GATA2: variants seen among roughly 807,000 people sequenced by gnomAD.
GATA2 encodes the protein GATA binding protein 2.
Under a neutral mutation model 35.7 loss-of-function variants are expected in GATA2, and 6 were observed. The observed-to-expected ratio is 0.17, with a 90% CI of 0.09 to 0.33. The LOEUF (loss-of-function observed/expected upper bound fraction) is 0.33, where lower values mean the gene tolerates loss of function less well. GATA2 is among the 10% of genes least tolerant of loss of function. The probability of loss-of-function intolerance (pLI) is 1.00; values close to 1 mark genes in which losing one functional copy is unlikely to be tolerated. For missense variants in GATA2, 541 were observed against 656.6 expected (o/e 0.82, Z 1.92); for synonymous variants, 313 against 274.9 (o/e 1.14, Z -1.37).
Position 128,480,660 on chromosome 3 carries a change from C to G in GATA2, c.*359G>C, listed in dbSNP as rs928119691. 1 of 315,476 alleles carries G rather than the reference C, an allele frequency of 3.2e-6. No homozygotes were observed. The highest frequency in any genetic ancestry group is 5.9e-6 in the Non-Finnish European group (1 of 170,808). The allele number at this position is 315,476 out of a possible 1,614,324, so 19.5% of individuals were successfully genotyped here. On this transcript the variant is annotated 3_prime_UTR_variant, in exon 6 of 6. Coordinates refer to ENST00000341105, the MANE Select transcript of GATA2 (RefSeq NM_032638.5). ...GCTCAGACCACCAAGTCTCCAAGTC[C>G]TTGTTAGAAACAAGAGCAAAATAAA...
Position 128,486,921 on chromosome 3 carries a change from C to A in GATA2, c.111G>T (p.Ala37=), listed in dbSNP as rs1314011259. ...CCACCTCGTCTGGAGGCAGCAGCTG[C>A]GCGGGTTCCATGTAGTTGTGCGCCA... is the stretch of plus-strand genomic sequence containing the variant. The part of the protein sequence containing the change: ...PGLAHNYMEP[A]QLLPPDEVDV... Residue 37 remains alanine (A), a synonymous_variant, in exon 2 of 6, where the codon GCG becomes GCT. Coordinates refer to ENST00000341105, the MANE Select transcript of GATA2 (RefSeq NM_032638.5). 6.2e-7 allele frequency: 1 copy of A among 1,612,944 alleles called. No homozygotes were observed. Among genetic ancestry groups the A allele is most frequent in the Non-Finnish European group, 8.5e-7 (1 of 1,179,594 alleles).
chr3:128,481,291 C>T lies in GATA2; in HGVS notation c.1171G>A (p.Glu391Lys), dbSNP rs2068625402. The change falls in exon 6 of 6, where the codon GAA becomes AAA. Residue 391 changes from glutamate (E) to lysine (K), a missense_variant. This residue lies in a region of GATA2 where 23 missense variants were observed against 67.2 expected (regional missense o/e 0.34). Transcript: ENST00000341105. ...TTCCGGTTCCGAGTCTGGATCCCTT[C>T]CTTCTTCATGGTCAGTGGCCTGTTA... ...NVNRPLTMKKEGIQTRNRKMS... is the reference protein window; with the variant it reads ...NVNRPLTMKKKGIQTRNRKMS... 1 of 1,613,858 alleles carries T rather than the reference C, an allele frequency of 6.2e-7. No homozygotes were observed. Among genetic ancestry groups the T allele is most frequent in the Non-Finnish European group, 8.5e-7 (1 of 1,180,044 alleles).
intron 3 of GATA2, among the ~76,000 whole-genome samples, chr3:128,484,711 A>G (rs2068673022): frequency 1.3e-5 from 2 of 152,050 alleles, no homozygotes; most frequent in Non-Finnish European, 2.9e-5. Flanking sequence ...CAAACAGGAG[A>G]AAGGACCAAG....
At chr3:128,482,658 A>T (rs1576745914) in intron 4 of GATA2, among the ~76,000 whole-genome samples, 1 of 141,626 alleles carries the variant, frequency 7.1e-6, no homozygotes, top group African/African-American at 2.7e-5. Context: ...CCAGCCCCCC[A>T]TACCCCAACC....
rs2068637821 is a variant in GATA2 at position 128,482,049 on chromosome 3, G to A, written c.1018-105C>T. The A allele has an allele frequency of 2.1e-6, 3 of 1,431,276 alleles. No homozygotes were observed. In the Admixed American group the frequency reaches 5.9e-5, roughly 28 times the overall value. 88.7% of individuals were successfully genotyped at this position (1,431,276 alleles called of 1,614,324 possible). Reference sequence around the variant, plus strand: ...AGTCCCCACCAGCTCAGTCAAGGAGGGCTAAATCTCACATGGGAATCAAAG... The same window carrying A: ...AGTCCCCACCAGCTCAGTCAAGGAGAGCTAAATCTCACATGGGAATCAAAG... On this transcript the variant is annotated intron_variant, in intron 4 of 5. Coordinates refer to ENST00000341105, the MANE Select transcript of GATA2 (RefSeq NM_032638.5).
intron 1 of GATA2, chr3:128,489,482 G>A (rs2068747157): frequency 6.5e-6 from 1 of 152,676 alleles, no homozygotes; most frequent in Admixed American, 6.5e-5. Flanking sequence ...CGTGCCCTTG[G>A]GGGACCCGCC....
Position 128,486,168 on chromosome 3 carries a change from C to A in GATA2, c.430G>T (p.Ala144Ser), listed in dbSNP as rs771741053. ...PGGPLSVYPG[A>S]GGGSGGGSGS... Reference sequence around the variant, plus strand: ...CTGCCTCCCCCGCTCCCACCCCCAGCCCCTGGGTACACAGAGAGTGGGCCT... The same window carrying A: ...CTGCCTCCCCCGCTCCCACCCCCAGACCCTGGGTACACAGAGAGTGGGCCT... The change falls in exon 3 of 6, where the codon GCT becomes TCT. Residue 144 changes from alanine (A) to serine (S), a missense_variant. Around this residue, in one of 5 missense-constraint regions of GATA2, gnomAD observed 389 missense variants for 396.9 expected, o/e 0.98. Coordinates refer to ENST00000341105, the MANE Select transcript of GATA2 (RefSeq NM_032638.5). The A allele has an allele frequency of 5.1e-6, 8 of 1,568,598 alleles. No homozygotes were observed. Among genetic ancestry groups the A allele is most frequent in the Non-Finnish European group, 5.2e-6 (6 of 1,157,056 alleles).
Position 128,480,103 on chromosome 3 carries a change from C to G in GATA2, c.*916G>C, listed in dbSNP as rs1479508261. The stretch of plus-strand genomic sequence containing the variant: ...CTGTGGCTACGTACAATCAACTGGA[C>G]CCAAAAAGAGTTTAAAAATAAAACA... On this transcript the variant is annotated 3_prime_UTR_variant, in exon 6 of 6. Coordinates refer to ENST00000341105, the MANE Select transcript of GATA2 (RefSeq NM_032638.5). The G allele has an allele frequency of 4.3e-6, 1 of 233,072 alleles. No individual in the cohort carries two copies. The highest frequency in any genetic ancestry group is 2.2e-5 in the African/African-American group (1 of 45,314). 14.4% of individuals were successfully genotyped at this position (233,072 alleles called of 1,614,324 possible). A position where few individuals can be genotyped will look rare whatever the true frequency, so the allele number is the denominator to read the frequency against.
rs186902232 is a variant in GATA2, at chr3:128,480,028, G to A, written c.*991C>T. ...TCCCAGCTCTTTTCCAAAAAGAATT[G>A]CAAAGCTCCAACCTTGTGTGTAGGT... On this transcript the variant is annotated 3_prime_UTR_variant, in exon 6 of 6. Coordinates refer to ENST00000341105, the MANE Select transcript of GATA2 (RefSeq NM_032638.5). The A allele has an allele frequency of 4.3e-5, 10 of 233,042 alleles. No homozygotes were observed. The highest frequency in any genetic ancestry group is 2.0e-4 in the African/African-American group (9 of 45,444). 14.4% of individuals were successfully genotyped at this position (233,042 alleles called of 1,614,324 possible).
chr3:128,492,292 G>A (rs766747984), intron 1 of GATA2: 4 of 152,258 alleles, frequency 2.6e-5, no homozygotes, highest in Non-Finnish European at 4.4e-5. Context: ...ACGCCTACCG[G>A]CGGCAGATCT....
intron 1 of GATA2, chr3:128,491,857 C>T (rs1488289674): frequency 6.6e-6 from 1 of 152,284 alleles, no homozygotes; most frequent in African/African-American, 2.4e-5. Context: ...TCTCCCTCCT[C>T]CACGAACAGC....
intron 2 of GATA2, among the ~76,000 whole-genome samples, 170 bp from the exon 3 acceptor site, chr3:128,486,538 C>T (rs1174630607): frequency 6.6e-6 from 1 of 152,018 alleles, no homozygotes; most frequent in Non-Finnish European, 1.5e-5. Flanking sequence ...GAATGTCAGT[C>T]CAAGCTGAAG....
rs1026996375 is a variant in GATA2, at chr3:128,479,483, T to C, written c.*1536A>G. The C allele has an allele frequency of 4.3e-6, 1 of 232,770 alleles. No individual in the cohort carries two copies. Among genetic ancestry groups the C allele is most frequent in the Non-Finnish European group, 8.5e-6 (1 of 117,574 alleles). The allele number at this position is 232,770 out of a possible 1,614,324, so 14.4% of individuals were successfully genotyped here. A position where few individuals can be genotyped will look rare whatever the true frequency, so the allele number is the denominator to read the frequency against. On this transcript the variant is annotated 3_prime_UTR_variant, in exon 6 of 6. Coordinates refer to ENST00000341105, the MANE Select transcript of GATA2 (RefSeq NM_032638.5). ...TACTCACTTTAAAGGAATAAGAGGA[T>C]AGCATACATTTTTTACAGACAATAT...
chr3:128,487,125 C>T (rs999563675), intron 1 of GATA2, 49 bp from the exon 2 acceptor site: 1 of 1,065,088 alleles, frequency 9.4e-7, no homozygotes, highest in Non-Finnish European at 1.3e-6. Flanking sequence ...CTGACACCCC[C>T]CAAAGTCCCA....
At chr3:128,484,642 T>C (rs2068672125) in intron 3 of GATA2, among the ~76,000 whole-genome samples, 2 of 137,190 alleles carry the variant, frequency 1.5e-5, no homozygotes, top group African/African-American at 5.6e-5. Flanking sequence ...CTGGGTTTTT[T>C]TTGTTTGTAT....
intron 1 of GATA2, chr3:128,489,262 G>T (rs939551789): frequency 6.6e-6 from 1 of 152,192 alleles, no homozygotes; most frequent in Non-Finnish European, 1.5e-5. Flanking sequence ...CCTCGGCTCC[G>T]GGGGCGCCCG....
Position 128,487,065 on chromosome 3 carries a change from A to G in GATA2, c.-34T>C, listed in dbSNP as rs756452750. 19 of 1,516,204 alleles carry G rather than the reference A, an allele frequency of 1.3e-5. No individual in the cohort carries two copies. The African/African-American group carries it at 2.6e-4, about 21-fold the overall frequency. 93.9% of individuals were successfully genotyped at this position (1,516,204 alleles called of 1,614,324 possible). ...GCGGCGGCTCAGGGTCTGGGTGCAG[A>G]CGGCAACGGCCCTGCGCGAGGAAGG... On this transcript the variant is annotated 5_prime_UTR_variant, in exon 2 of 6. Coordinates refer to ENST00000341105, the MANE Select transcript of GATA2 (RefSeq NM_032638.5).
rs1392798745 is a variant in GATA2, at chr3:128,488,684, A to T, written c.-45-1608T>A. On this transcript the variant is annotated intron_variant, in intron 1 of 5. Transcript: ENST00000341105. This position sits in a 1 kb window ranked among gnomAD's most constrained non-coding sequence, Gnocchi z 5.8. ...CTGGAGGGAGACGCCCCCGGGCAAG[A>T]GGTGGCATTTTTTTTCCTCCGGGGG... 1.3e-5 allele frequency among the ~76,000 whole-genome samples: 2 copies of T among 151,714 alleles called. No individual in the cohort carries two copies. Among genetic ancestry groups the T allele is most frequent in the East Asian group, 2.0e-4 (1 of 5,126 alleles).
chr3:128,486,441 A>G, intron 2 of GATA2, 73 bp from the exon 3 acceptor site: 1 of 1,533,302 alleles, frequency 6.5e-7, no homozygotes, highest in Non-Finnish European at 8.8e-7. Flanking sequence ...CGCCCCTGAC[A>G]GACATTGAGA....
Sources: allele counts gnomAD v4.1 joint callset (sites outside exome capture counted in the v4.1 genomes callset), GRCh38; gene constraint gnomAD v4.1.1; regional missense constraint gnomAD v4.1.1; non-coding constraint Gnocchi (gnomAD v3.1); transcripts MANE v1.5; gene names NCBI Gene and HGNC (gene_info 2026-07-23, HGNC 2026-07-21).